Variants in KLHL1 observed in about 807,000 individuals in gnomAD.
KLHL1 encodes kelch-like protein 1.
KLHL1 carries 47 observed loss-of-function variants against 77.7 expected under a neutral mutation model. The observed-to-expected ratio is 0.60, with a 90% CI of 0.48 to 0.77. The LOEUF (loss-of-function observed/expected upper bound fraction) is 0.77, where lower values mean the gene tolerates loss of function less well. Among genes scored for constraint, KLHL1 ranks in the 30% least tolerant of loss-of-function variants. The pLI is 0.00. For missense variants in KLHL1, 925 were observed against 910.8 expected (o/e 1.02, Z -0.20); for synonymous variants, 360 against 325.2 (o/e 1.11, Z -1.15).
At chr13:69,886,334 A>G (rs991561661) in intron 4 of KLHL1, among the ~76,000 whole-genome samples, 2 of 151,484 alleles carry the variant, frequency 1.3e-5, no homozygotes, top group African/African-American at 4.8e-5. Context: ...TAGCTAAAAC[A>G]ATGTAGTTTT....
At chr13:70,082,364 CACACAA>C (rs1887417509) in intron 1 of KLHL1, among the ~76,000 whole-genome samples, 1 of 122,324 alleles carries the variant, frequency 8.2e-6, no homozygotes, top group African/African-American at 3.3e-5. Context: ...CACACACACA[CACACAA>C]AGGAACCATA....
At chr13:70,002,416 G>A (rs1407149975) in intron 1 of KLHL1, among the ~76,000 whole-genome samples, 1 of 150,994 alleles carries the variant, frequency 6.6e-6, no homozygotes, top group Admixed American at 6.6e-5. Flanking sequence ...AAATAGGAAG[G>A]GAGAAAAAAA....
At chr13:69,746,384 T>C (rs1379431890) in intron 7 of KLHL1, among the ~76,000 whole-genome samples, 2 of 151,956 alleles carry the variant, frequency 1.3e-5, no homozygotes, top group South Asian at 2.1e-4. Context: ...AATATTTCCT[T>C]TTATTTAGTA....
At chr13:69,847,904 T>G (rs1380297179) in intron 5 of KLHL1, among the ~76,000 whole-genome samples, 1 of 151,532 alleles carries the variant, frequency 6.6e-6, no homozygotes, top group South Asian at 2.1e-4. Flanking sequence ...TGCAGAAAAA[T>G]TTTTATTTCA....
intron 1 of KLHL1, among the ~76,000 whole-genome samples, chr13:70,065,257 A>G (rs1018090341): frequency 5.3e-5 from 8 of 152,212 alleles, no homozygotes; most frequent in African/African-American, 1.9e-4. Flanking sequence ...GTTACTAAAA[A>G]TTGACCATAC....
chr13:69,715,515 T>C (rs71429617), intron 9 of KLHL1, among the ~76,000 whole-genome samples: 38,867 of 79,486 alleles, frequency 0.49, 5,126 homozygotes, highest in South Asian at 0.6. Flanking sequence ...CTAAGGCAGT[T>C]TTATTATTTA....
intron 5 of KLHL1, among the ~76,000 whole-genome samples, chr13:69,865,057 C>T (rs559461666): frequency 6.6e-6 from 1 of 152,246 alleles, no homozygotes; most frequent in South Asian, 2.1e-4. Context: ...GGCGATCCTC[C>T]TGCCTCAGCC....
chr13:69,920,955 A>C (rs567308241), intron 4 of KLHL1, among the ~76,000 whole-genome samples: 1 of 152,206 alleles, frequency 6.6e-6, no homozygotes, highest in Non-Finnish European at 1.5e-5. Context: ...TAACATATCC[A>C]TAAGGTCTGT....
intron 7 of KLHL1, among the ~76,000 whole-genome samples, chr13:69,778,411 C>T (rs2137996498): frequency 6.6e-6 from 1 of 151,442 alleles, no homozygotes; most frequent in African/African-American, 2.5e-5. Context: ...TATAGGCTTT[C>T]AGCATCTTAT....
At chr13:70,018,286 G>T (rs898746422) in intron 1 of KLHL1, among the ~76,000 whole-genome samples, 1 of 152,150 alleles carries the variant, frequency 6.6e-6, no homozygotes, top group Non-Finnish European at 1.5e-5. Flanking sequence ...GTTGATAAAT[G>T]GAAGATAAAA....
intron 4 of KLHL1, among the ~76,000 whole-genome samples, chr13:69,910,006 GA>G (rs967309247): frequency 1.4e-4 from 22 of 151,874 alleles, no homozygotes; most frequent in Non-Finnish European, 2.8e-4. Flanking sequence ...TTTTTCAGTA[GA>G]AAAAAATAAT....
At chr13:70,104,663 T>C (rs1888005415) in intron 1 of KLHL1, among the ~76,000 whole-genome samples, 1 of 152,138 alleles carries the variant, frequency 6.6e-6, no homozygotes, top group African/African-American at 2.4e-5. Context: ...ATGCTCATTA[T>C]TAAATATGAC....
intron 1 of KLHL1, among the ~76,000 whole-genome samples, chr13:70,047,893 T>C (rs192279318): frequency 6.6e-6 from 1 of 152,346 alleles, no homozygotes; most frequent in East Asian, 1.9e-4. Context: ...TTGGTGCTTT[T>C]AGGTGCTCAG....
At chr13:69,842,023 T>A (rs773305479) in intron 5 of KLHL1, among the ~76,000 whole-genome samples, 1 of 151,960 alleles carries the variant, frequency 6.6e-6, no homozygotes, top group Non-Finnish European at 1.5e-5. Flanking sequence ...TCTGTCACCA[T>A]ATACAAAAAT....
intron 1 of KLHL1, among the ~76,000 whole-genome samples, chr13:70,073,714 C>T (rs1887192619): frequency 1.3e-5 from 2 of 152,036 alleles, no homozygotes; most frequent in African/African-American, 4.8e-5. Flanking sequence ...CAGCTAGAGG[C>T]TGCGGTGAGC....
At chr13:70,007,363 T>C (rs1186884866) in intron 1 of KLHL1, among the ~76,000 whole-genome samples, 1 of 151,796 alleles carries the variant, frequency 6.6e-6, no homozygotes, top group Admixed American at 6.6e-5. Context: ...CAAATACATA[T>C]ACATCTATAT....
intron 1 of KLHL1, among the ~76,000 whole-genome samples, chr13:69,988,326 G>A (rs1425285170): frequency 6.6e-6 from 1 of 152,030 alleles, no homozygotes; most frequent in Non-Finnish European, 1.5e-5. Context: ...ACTATTAAAT[G>A]GTGTATATGT....
chr13:69,957,745 A>C (rs1220171310), intron 3 of KLHL1, among the ~76,000 whole-genome samples: 5 of 151,746 alleles, frequency 3.3e-5, no homozygotes, highest in Admixed American at 2.6e-4. Flanking sequence ...TTTATAACAC[A>C]CTCTCTTTAC....
At chr13:69,891,859 A>T (rs1276995760) in intron 4 of KLHL1, among the ~76,000 whole-genome samples, 1 of 151,968 alleles carries the variant, frequency 6.6e-6, no homozygotes, top group Non-Finnish European at 1.5e-5. Context: ...ATTGTCTACT[A>T]ATGTAGGAGA....
Sources: gnomAD v4.1 joint callset for allele counts (sites outside exome capture counted in the v4.1 genomes callset) on GRCh38, gnomAD v4.1.1 for gene constraint, MANE v1.5 for transcripts, NCBI Gene and HGNC (gene_info 2026-07-23, HGNC 2026-07-21) for gene names.